The following FHIT variants were observed in gnomAD, a reference collection of about 807,000 sequenced individuals.
FHIT encodes the protein bis(5'-adenosyl)-triphosphatase.
FHIT carries 19 observed loss-of-function variants against 17.9 expected under a neutral mutation model. That is an observed-to-expected ratio of 1.06 (90% CI 0.74 to 1.56). The LOEUF is 1.56. Ranked by LOEUF, FHIT falls within the 40% of genes most tolerant of loss-of-function variation. FHIT has a pLI of 0.00. For missense variants in FHIT, 248 were observed against 189.2 expected, an observed-to-expected ratio of 1.31 and a Z score of -1.82; for synonymous variants, 81 against 69.7, an observed-to-expected ratio of 1.16 and a Z score of -0.81.
At chr3:60,572,739 G>A (rs2037428973) in intron 4 of FHIT, among the ~76,000 whole-genome samples, 1 of 152,172 alleles carries the variant, frequency 6.6e-6, no homozygotes, top group Non-Finnish European at 1.5e-5. Context: ...TTAGATGGGA[G>A]ACAGGGTCAG....
In FHIT at chr3:59,917,118, C is replaced by T. The variant is rs1012979777; in HGVS notation, c.348+5228G>A. ...TAATGGTTCTCTCCAGCCCTCAGGG[C>T]CAAATGGCCTGCATTTTAGCAAGTT... is the stretch of plus-strand genomic sequence containing the variant. On this transcript the variant is annotated intron_variant, in intron 8 of 9. Transcript: ENST00000492590. 1.1e-4 allele frequency among the ~76,000 whole-genome samples: 17 copies of T among 152,358 alleles called. No individual in the cohort carries two copies. In the South Asian group the frequency reaches 2.9e-3, roughly 26 times the overall value.
chr3:60,820,984 T>TTA lies in FHIT; in HGVS notation c.-18+934_-18+935insTA, dbSNP rs200167916. On this transcript the variant is annotated intron_variant, in intron 4 of 9. Transcript: ENST00000492590. Reference sequence around the variant, plus strand: ...TTTCTTGCTATTATTATTATTATTATGGGGTTTTTTTGGCAGGGTCTCACT... The same window carrying TTA: ...TTTCTTGCTATTATTATTATTATTATTAGGGGTTTTTTTGGCAGGGTCTCACT... Among the ~76,000 whole-genome samples, 11 of 145,172 alleles carry TTA rather than the reference T, an allele frequency of 7.6e-5. No individual in the cohort carries two copies. In the East Asian group the frequency reaches 1.3e-3, roughly 17 times the overall value.
At chr3:60,568,184 A>G (rs1181118528) in intron 4 of FHIT, among the ~76,000 whole-genome samples, 2 of 152,196 alleles carry the variant, frequency 1.3e-5, no homozygotes, top group East Asian at 1.9e-4. Flanking sequence ...ACTACTCACA[A>G]TAGCAAAGAC....
intron 3 of FHIT, among the ~76,000 whole-genome samples, chr3:60,958,930 A>G (rs1709290982): frequency 1.3e-5 from 2 of 152,244 alleles, no homozygotes; most frequent in Admixed American, 6.5e-5. Flanking sequence ...GTAAGGACAG[A>G]AAAAGCAAAC....
chr3:61,179,838 T>C (rs937032118), intron 2 of FHIT, among the ~76,000 whole-genome samples: 1 of 150,582 alleles, frequency 6.6e-6, no homozygotes, highest in Non-Finnish European at 1.5e-5. Context: ...GAGTGGAAGA[T>C]GGCATCAGAG....
chr3:60,626,743 G>T (rs1350840282), intron 4 of FHIT, among the ~76,000 whole-genome samples: 1 of 150,512 alleles, frequency 6.6e-6, no homozygotes, highest in Non-Finnish European at 1.5e-5. Context: ...AATGGCAAGA[G>T]GGGATATCTG....
chr3:61,094,123 A>AGTGTGTGT (rs146715486), intron 2 of FHIT, among the ~76,000 whole-genome samples: 4,178 of 150,258 alleles, frequency 0.028, 151 homozygotes, highest in African/African-American at 0.09. Context: ...AATGCAACCA[A>AGTGTGTGT]GTGTGTGTGT....
chr3:60,157,087 T>A, intron 5 of FHIT, among the ~76,000 whole-genome samples: 1 of 152,192 alleles, frequency 6.6e-6, no homozygotes, highest in Non-Finnish European at 1.5e-5. Flanking sequence ...ATCTGATTTA[T>A]AAATATTTTT....
intron 2 of FHIT, among the ~76,000 whole-genome samples, chr3:61,138,160 C>T (rs2036970872): frequency 6.6e-6 from 1 of 152,188 alleles, no homozygotes; most frequent in Non-Finnish European, 1.5e-5. Flanking sequence ...TCCCACTGCT[C>T]CCAAGTTTAC....
intron 5 of FHIT, among the ~76,000 whole-genome samples, chr3:60,411,395 C>T (rs1050824474): frequency 2.2e-4 from 33 of 152,110 alleles, no homozygotes; most frequent in African/African-American, 8.0e-4. Context: ...AAATAATCCA[C>T]TTAATGTGTC....
chr3:60,934,343 A>G (rs1708093574), intron 3 of FHIT, among the ~76,000 whole-genome samples: 1 of 152,340 alleles, frequency 6.6e-6, no homozygotes, highest in South Asian at 2.1e-4. Context: ...GGAAAGAACA[A>G]GGGCAGAAAT....
At chr3:60,219,178 GT>G (rs1703842524) in intron 5 of FHIT, among the ~76,000 whole-genome samples, 1 of 151,994 alleles carries the variant, frequency 6.6e-6, no homozygotes, top group African/African-American at 2.4e-5. Flanking sequence ...CTTATTTTGG[GT>G]TTTCATTGCT....
At chr3:60,946,104 C>T (rs1708629014) in intron 3 of FHIT, among the ~76,000 whole-genome samples, 1 of 152,040 alleles carries the variant, frequency 6.6e-6, no homozygotes, top group African/African-American at 2.4e-5. Flanking sequence ...CTGAGCTGAG[C>T]AAGGAGGAAA....
chr3:60,164,030 C>A (rs1231589776), intron 5 of FHIT, among the ~76,000 whole-genome samples: 2 of 152,164 alleles, frequency 1.3e-5, no homozygotes, highest in African/African-American at 4.8e-5. Flanking sequence ...AGGGGCATGC[C>A]TGGCTCAAAG....
At chr3:61,173,134 T>A (rs556439370) in intron 2 of FHIT, among the ~76,000 whole-genome samples, 4 of 152,196 alleles carry the variant, frequency 2.6e-5, no homozygotes, top group East Asian at 3.8e-4. Context: ...TTTAATTTTT[T>A]AAAAACAGTT....
intron 5 of FHIT, among the ~76,000 whole-genome samples, chr3:60,181,934 G>T (rs1321008163): frequency 6.6e-6 from 1 of 152,124 alleles, no homozygotes; most frequent in Non-Finnish European, 1.5e-5. Context: ...TATGCATGAT[G>T]CTCTGAAAAA....
intron 5 of FHIT, among the ~76,000 whole-genome samples, chr3:60,428,468 A>G (rs1206183288): frequency 6.6e-6 from 1 of 152,160 alleles, no homozygotes; most frequent in Non-Finnish European, 1.5e-5. Flanking sequence ...CCTACTTGGT[A>G]GCTTCATCAG....
chr3:60,452,342 G>A (rs1476175934), intron 5 of FHIT, among the ~76,000 whole-genome samples: 1 of 152,152 alleles, frequency 6.6e-6, no homozygotes, highest in Non-Finnish European at 1.5e-5. Context: ...GTGGTTTAAA[G>A]TGGCCCCATT....
chr3:59,953,025 C>G (rs1026725747), intron 7 of FHIT, among the ~76,000 whole-genome samples: 7 of 151,890 alleles, frequency 4.6e-5, no homozygotes, highest in African/African-American at 1.7e-4. Flanking sequence ...TCTCCACCCC[C>G]CGAAGTGTGT....
Sources: gnomAD v4.1 joint callset for allele counts (sites outside exome capture counted in the v4.1 genomes callset) on GRCh38, gnomAD v4.1.1 for gene constraint, MANE v1.5 for transcripts, NCBI Gene and HGNC (gene_info 2026-07-23, HGNC 2026-07-21) for gene names.